PTPRD: variants seen among roughly 807,000 people sequenced by gnomAD.
PTPRD encodes receptor-type tyrosine-protein phosphatase delta.
PTPRD carries 34 observed loss-of-function variants against 214.5 expected under a neutral mutation model. That is an observed-to-expected ratio of 0.16 (90% confidence interval 0.12 to 0.21). The LOEUF (loss-of-function observed/expected upper bound fraction) is 0.21. PTPRD is among the 10% of genes least tolerant of loss of function. PTPRD has a pLI of 1.00. For synonymous variants in PTPRD, 1,128 were observed against 845.7 expected, an observed-to-expected ratio of 1.33 and a Z score of -5.79; for missense variants, 2,545 against 2,398.7, an observed-to-expected ratio of 1.06 and a Z score of -1.27.
chr9:8,763,048 T>C (rs925698853), intron 11 of PTPRD, among the ~76,000 whole-genome samples: 3 of 152,238 alleles, frequency 2.0e-5, no homozygotes, highest in Middle Eastern at 3.4e-3. Context: ...GGATCCTGGC[T>C]CAGATATAAA....
intron 3 of PTPRD, among the ~76,000 whole-genome samples, chr9:10,224,498 T>C (rs532854275): frequency 2.3e-4 from 35 of 152,222 alleles, no homozygotes; most frequent in African/African-American, 6.0e-4. Context: ...CAGTAGTGCT[T>C]ATTTAAATTA....
chr9:9,292,695 C>T (rs551838565), intron 9 of PTPRD, among the ~76,000 whole-genome samples: 2 of 151,360 alleles, frequency 1.3e-5, no homozygotes, highest in Non-Finnish European at 3.0e-5. Flanking sequence ...ATCCAAGATA[C>T]CACATTATAT....
At chr9:9,652,666 G>C (rs1183218793) in intron 7 of PTPRD, among the ~76,000 whole-genome samples, 1 of 150,854 alleles carries the variant, frequency 6.6e-6, no homozygotes, top group Non-Finnish European at 1.5e-5. Context: ...CCAGGCTGGA[G>C]TGCAATGGCA....
At chr9:9,142,518 C>G (rs2099862201) in intron 10 of PTPRD, among the ~76,000 whole-genome samples, 1 of 152,116 alleles carries the variant, frequency 6.6e-6, no homozygotes, top group Non-Finnish European at 1.5e-5. Context: ...GAAATTTTGC[C>G]AAAGTTAGCA....
chr9:10,094,266 C>A (rs1401388420), intron 3 of PTPRD, among the ~76,000 whole-genome samples: 1 of 150,836 alleles, frequency 6.6e-6, no homozygotes, highest in Non-Finnish European at 1.5e-5. Context: ...AAATTCCAAC[C>A]CCTAAGAGAC....
At position 9,606,651 on chromosome 9, in the gene PTPRD, T is replaced by C. The variant is rs1284418702; in HGVS notation, c.-286-31870A>G. Among the ~76,000 whole-genome samples the C allele has an allele frequency of 2.0e-5, 3 of 151,892 alleles. No homozygotes were observed. The East Asian group carries it at 5.8e-4, about 29-fold the overall frequency. On this transcript the variant is annotated intron_variant, in intron 7 of 45. Transcript: ENST00000381196. ...CTTAATATTCCTGAATTTTAGCCTGTAGAAAGGACAGACCCTTTATTATGT... is the reference window on the plus strand; with the variant it reads ...CTTAATATTCCTGAATTTTAGCCTGCAGAAAGGACAGACCCTTTATTATGT...
intron 39 of PTPRD, among the ~76,000 whole-genome samples, chr9:8,363,487 C>A (rs1398493030): frequency 1.3e-5 from 2 of 152,106 alleles, no homozygotes; most frequent in African/African-American, 2.4e-5. Flanking sequence ...CAAAAAAGAT[C>A]AGGTGGCTGT....
intron 3 of PTPRD, among the ~76,000 whole-genome samples, chr9:10,108,011 C>G (rs1049568975): frequency 6.6e-6 from 1 of 151,976 alleles, no homozygotes; most frequent in African/African-American, 2.4e-5. Context: ...CAGCATTGTA[C>G]TTTTTGGCTG....
At chr9:10,204,825 G>C (rs189144438) in intron 3 of PTPRD, among the ~76,000 whole-genome samples, 1 of 152,074 alleles carries the variant, frequency 6.6e-6, no homozygotes, top group Non-Finnish European at 1.5e-5. Context: ...TGTCAAATCT[G>C]TAAACAATTT....
At chr9:9,017,302 T>C (rs551366005) in intron 11 of PTPRD, among the ~76,000 whole-genome samples, 6 of 152,288 alleles carry the variant, frequency 3.9e-5, no homozygotes, top group African/African-American at 1.2e-4. Context: ...TTATGATTCA[T>C]TCTTTGGATA....
intron 11 of PTPRD, among the ~76,000 whole-genome samples, chr9:8,915,297 G>A (rs1023392088): frequency 1.6e-4 from 24 of 152,270 alleles, no homozygotes; most frequent in Admixed American, 1.4e-3. Flanking sequence ...ATGAAAACCA[G>A]TGTCAATGAA....
intron 11 of PTPRD, among the ~76,000 whole-genome samples, chr9:8,802,057 A>G (rs2096582690): frequency 6.6e-6 from 1 of 152,146 alleles, no homozygotes; most frequent in South Asian, 2.1e-4. Flanking sequence ...TTATATCACC[A>G]CATAACTGGA....
Position 10,249,428 on chromosome 9 carries a change from G to A in PTPRD, c.-545+91535C>T, listed in dbSNP as rs140459913. On this transcript the variant is annotated intron_variant, in intron 3 of 45. Coordinates refer to ENST00000381196, the MANE Select transcript of PTPRD (RefSeq NM_002839.4). ...CGAGAAAGAGTTTAAATTTTGACCC[G>A]GTAATAGCCAAGATCGGACCTCAAA... is the stretch of plus-strand genomic sequence containing the variant. Among the ~76,000 whole-genome samples the A allele has an allele frequency of 4.0e-3, 610 of 152,072 alleles. 1 individual carries two copies. The highest frequency in any genetic ancestry group is 0.014 in the African/African-American group (587 of 41,476).
At chr9:9,096,587 T>TA (rs1220870264) in intron 10 of PTPRD, among the ~76,000 whole-genome samples, 1 of 151,998 alleles carries the variant, frequency 6.6e-6, no homozygotes, top group African/African-American at 2.4e-5. Context: ...TTCTTTTTTT[T>TA]AAAAATATTT....
chr9:9,786,767 T>C (rs1479884597), intron 5 of PTPRD, among the ~76,000 whole-genome samples: 3 of 151,972 alleles, frequency 2.0e-5, no homozygotes, highest in Non-Finnish European at 2.9e-5. Context: ...GAACTTAAAG[T>C]ATAATAAAAA....
chr9:9,515,979 T>C (rs2096827752), intron 8 of PTPRD, among the ~76,000 whole-genome samples: 1 of 152,130 alleles, frequency 6.6e-6, no homozygotes, highest in Admixed American at 6.5e-5. Flanking sequence ...TTTCAGATTA[T>C]TATGTGAATG....
chr9:10,557,655 T>C (rs1278746279), intron 2 of PTPRD, among the ~76,000 whole-genome samples: 1 of 152,126 alleles, frequency 6.6e-6, no homozygotes, highest in African/African-American at 2.4e-5. Context: ...AAGAGAAATC[T>C]GATGGGCTCA....
At chr9:9,768,998 G>A (rs1431456406) in intron 5 of PTPRD, among the ~76,000 whole-genome samples, 1 of 152,076 alleles carries the variant, frequency 6.6e-6, no homozygotes, top group Non-Finnish European at 1.5e-5. Flanking sequence ...CCCTAGGATG[G>A]GAATAAGTTA....
At chr9:9,402,966 GAAAA>G (rs1555359331) in intron 8 of PTPRD, among the ~76,000 whole-genome samples, 4 of 78,606 alleles carry the variant, frequency 5.1e-5, no homozygotes, top group African/African-American at 5.1e-5. Flanking sequence ...CTAATAGGGA[GAAAA>G]AAAAAAAAAA....
Sources: gnomAD v4.1 joint callset for allele counts (sites outside exome capture counted in the v4.1 genomes callset) on GRCh38, gnomAD v4.1.1 for gene constraint, MANE v1.5 for transcripts, NCBI Gene and HGNC (gene_info 2026-07-23, HGNC 2026-07-21) for gene names.